N4BP1: variants seen among roughly 807,000 people sequenced by gnomAD.
N4BP1 encodes the protein NEDD4-binding protein 1.
Under a neutral mutation model 70.9 loss-of-function variants are expected in N4BP1, and 21 were observed. The ratio of observed to expected loss-of-function variants is 0.30; its 90% CI spans 0.21 to 0.43. N4BP1 has a LOEUF of 0.43. N4BP1 is among the 20% of genes least tolerant of loss of function. The pLI, the probability that N4BP1 is intolerant of heterozygous loss-of-function variation, is 1.00. For missense variants in N4BP1, 936 were observed against 1,069.4 expected (o/e 0.88, Z 1.74); for synonymous variants, 387 against 394.6 (o/e 0.98, Z 0.23).
In N4BP1 at chr16:48,610,084, T is replaced by TCGCCCC; in HGVS notation, c.-118_-113dup. On this transcript the variant is annotated 5_prime_UTR_variant, in exon 1 of 7. Transcript: ENST00000262384. Reference sequence around the variant, plus strand: ...GCGGCGTCGGCCCTTCCCGGCCGCCTCGCCCCCGCCCGCGCCCCGCCGCCC... The same window carrying TCGCCCC: ...GCGGCGTCGGCCCTTCCCGGCCGCCTCGCCCCCGCCCCCGCCCGCGCCCCGCCGCCC... 1.9e-6 allele frequency: 1 copy of TCGCCCC among 513,774 alleles called. No homozygotes were observed. The highest frequency in any genetic ancestry group is 1.4e-4 in the East Asian group (1 of 7,188). 31.8% of individuals were successfully genotyped at this position (513,774 alleles called of 1,614,324 possible).
At chr16:48,556,028 G>C (rs1213941840) in intron 2 of N4BP1, among the ~76,000 whole-genome samples, 1 of 152,132 alleles carries the variant, frequency 6.6e-6, no homozygotes, top group African/African-American at 2.4e-5. Context: ...ATGTAACAAG[G>C]AAGGAAATGC....
At chr16:48,565,374 C>T (rs538616999) in intron 1 of N4BP1, among the ~76,000 whole-genome samples, 7 of 152,252 alleles carry the variant, frequency 4.6e-5, no homozygotes, top group African/African-American at 1.4e-4. Flanking sequence ...TGAAATTTGT[C>T]AAATGCTTTA....
At chr16:48,592,430 T>C (rs532710767) in intron 1 of N4BP1, among the ~76,000 whole-genome samples, 6 of 152,370 alleles carry the variant, frequency 3.9e-5, no homozygotes, top group Non-Finnish European at 7.3e-5. Context: ...AGTAACTGCA[T>C]GCTTTCCTAG....
chr16:48,561,404 A>C lies in N4BP1; in HGVS notation c.1239T>G (p.Gly413=). The change falls in exon 2 of 7, where the codon GGT becomes GGG. Residue 413 remains glycine, a synonymous_variant. Transcript: ENST00000262384. The part of the protein sequence containing the change: ...YPETNKTKNK[G]VYSSTNELTT... Reference sequence around the variant, plus strand: ...TAAGCTCATTTGTGCTGCTATAAACACCTTTATTTTTGGTTTTGTTGGTCT... The same window carrying C: ...TAAGCTCATTTGTGCTGCTATAAACCCCTTTATTTTTGGTTTTGTTGGTCT... 1 of 1,613,844 alleles carries C rather than the reference A, an allele frequency of 6.2e-7. No homozygotes were observed. Among genetic ancestry groups the C allele is most frequent in the Non-Finnish European group, 8.5e-7 (1 of 1,179,864 alleles).
intron 1 of N4BP1, among the ~76,000 whole-genome samples, chr16:48,571,935 G>A (rs1470605051): frequency 6.6e-6 from 1 of 151,966 alleles, no homozygotes; most frequent in South Asian, 2.1e-4. Context: ...GTGAGGTCAC[G>A]AGCCTCTAAT....
In N4BP1 at chr16:48,610,106, G is replaced by T; in HGVS notation, c.-134C>A. On this transcript the variant is annotated 5_prime_UTR_variant, in exon 1 of 7. Transcript: ENST00000262384. Reference sequence around the variant, plus strand: ...GCCTCGCCCCCGCCCGCGCCCCGCCGCCCGCCCTCAGGCCCGGCTATACCA... The same window carrying T: ...GCCTCGCCCCCGCCCGCGCCCCGCCTCCCGCCCTCAGGCCCGGCTATACCA... The T allele has an allele frequency of 3.2e-6, 1 of 315,162 alleles. No homozygotes were observed. The highest frequency in any genetic ancestry group is 4.6e-6 in the Non-Finnish European group (1 of 216,636). 19.5% of individuals were successfully genotyped at this position (315,162 alleles called of 1,614,324 possible).
At chr16:48,595,868 A>G (rs1964405207) in intron 1 of N4BP1, among the ~76,000 whole-genome samples, 1 of 152,202 alleles carries the variant, frequency 6.6e-6, no homozygotes, top group South Asian at 2.1e-4. Context: ...CAGGCCCAGG[A>G]GCCCCAAGTT....
intron 1 of N4BP1, chr16:48,578,194 G>C: frequency 5.8e-6 from 1 of 172,412 alleles, no homozygotes; most frequent in South Asian, 1.4e-4. Flanking sequence ...TTCTTGACCA[G>C]GTGGCCCAGC....
intron 5 of N4BP1, chr16:48,546,458 A>G (rs1963593352): frequency 2.6e-6 from 1 of 387,260 alleles, no homozygotes; most frequent in Non-Finnish European, 4.6e-6. Context: ...CAATAGTCAG[A>G]ACGTTTTATC....
intron 1 of N4BP1, among the ~76,000 whole-genome samples, chr16:48,591,256 T>C (rs867915485): frequency 1.1e-4 from 17 of 152,360 alleles, no homozygotes; most frequent in South Asian, 1.0e-3. Flanking sequence ...AAATGATTCC[T>C]TTCTGGTTTG....
At chr16:48,574,617 T>A (rs1964066496) in intron 1 of N4BP1, among the ~76,000 whole-genome samples, 1 of 152,226 alleles carries the variant, frequency 6.6e-6, no homozygotes, top group African/African-American at 2.4e-5. Flanking sequence ...TGTCATTTTT[T>A]AAATGACAAT....
chr16:48,543,485 C>A (rs1051706648), intron 6 of N4BP1, among the ~76,000 whole-genome samples: 3 of 152,156 alleles, frequency 2.0e-5, no homozygotes, highest in South Asian at 2.1e-4. Context: ...GGAATCAATG[C>A]GCTCTATGAG....
At position 48,576,209 on chromosome 16, in the gene N4BP1, A is replaced by G. The variant is rs111969004; in HGVS notation, c.199-13765T>C. The stretch of plus-strand genomic sequence containing the variant: ...TTTTTAATCATTAATCTGTAAGTCT[A>G]TAACAGGTCTATTTTAGGTCTCTAG... On this transcript the variant is annotated intron_variant, in intron 1 of 6. Transcript: ENST00000262384. Among the ~76,000 whole-genome samples the G allele has an allele frequency of 2.9e-3, 435 of 152,336 alleles. 3 individuals are homozygous for G. The highest frequency in any genetic ancestry group is 0.01 in the African/African-American group (422 of 41,576).
chr16:48,585,991 C>G (rs1021629799), intron 1 of N4BP1, among the ~76,000 whole-genome samples: 1 of 152,130 alleles, frequency 6.6e-6, no homozygotes, highest in Non-Finnish European at 1.5e-5. Context: ...CCACTGCGCC[C>G]GGCCAAACTT....
intron 1 of N4BP1, among the ~76,000 whole-genome samples, chr16:48,584,830 A>C (rs1408117330): frequency 6.6e-6 from 1 of 152,240 alleles, no homozygotes; most frequent in East Asian, 1.9e-4. Context: ...AAATTTGTGT[A>C]ATCAAAATAA....
chr16:48,583,023 C>A (rs1007977707), intron 1 of N4BP1, among the ~76,000 whole-genome samples: 1 of 152,128 alleles, frequency 6.6e-6, no homozygotes, highest in South Asian at 2.1e-4. Flanking sequence ...TAATTTGAGG[C>A]TGCAGTTAAC....
intron 1 of N4BP1, among the ~76,000 whole-genome samples, chr16:48,562,925 A>T (rs1567432526): frequency 6.6e-6 from 1 of 150,596 alleles, no homozygotes; most frequent in Non-Finnish European, 1.5e-5. Context: ...AATAACATTA[A>T]TTTTTTTTTT....
At position 48,561,829 on chromosome 16, in the gene N4BP1, C is replaced by T; in HGVS notation, c.814G>A (p.Asp272Asn). 6.2e-7 allele frequency: 1 copy of T among 1,613,806 alleles called. No homozygotes were observed. ...CTCTCATTGGAAAGTGCCTCTTCAT[C>T]TGGGGTTAGACCATTTATTGGATCA... ...LFDPINGLTP[D>N]EEALSNERIC... The change falls in exon 2 of 7, where the codon GAT (aspartate) becomes AAT (asparagine). Residue 272 changes from aspartate (D) to asparagine (N), a missense_variant. Around this residue, in one of 4 missense-constraint regions of N4BP1, gnomAD observed 515 missense variants for 491.7 expected, o/e 1.05. Transcript: ENST00000262384.
chr16:48,551,522 C>T lies in N4BP1; in HGVS notation c.2021-40G>A, dbSNP rs16946272. ...AGTTGAATATACATTCAGAAAAGGGCTATCTTCCCAAATGTATCAAGAAAT... is the reference window on the plus strand; with the variant it reads ...AGTTGAATATACATTCAGAAAAGGGTTATCTTCCCAAATGTATCAAGAAAT... On this transcript the variant is annotated intron_variant, in intron 3 of 6. Transcript: ENST00000262384. 5 of 1,386,582 alleles carry T rather than the reference C, an allele frequency of 3.6e-6. No individual in the cohort carries two copies. The East Asian group carries it at 1.2e-4, about 33-fold the overall frequency. The allele number at this position is 1,386,582 out of a possible 1,614,324, so 85.9% of individuals were successfully genotyped here.
Sources: gnomAD v4.1 joint callset for allele counts (sites outside exome capture counted in the v4.1 genomes callset) on GRCh38, gnomAD v4.1.1 for gene constraint, gnomAD v4.1.1 regional missense constraint, MANE v1.5 for transcripts, NCBI Gene and HGNC (gene_info 2026-07-23, HGNC 2026-07-21) for gene names.